The following RALGAPA2 variants were observed in gnomAD, a reference collection of about 807,000 sequenced individuals.
RALGAPA2 encodes the protein Ral GTPase activating protein catalytic subunit alpha 2.
Under a neutral mutation model 230.4 loss-of-function variants are expected in RALGAPA2, and 139 were observed. The ratio of observed to expected loss-of-function variants is 0.60; its 90% CI spans 0.53 to 0.69. RALGAPA2 has a LOEUF of 0.69. Among genes scored for constraint, RALGAPA2 ranks in the 30% least tolerant of loss-of-function variants. The pLI is 0.00. For synonymous variants in RALGAPA2, 847 were observed against 837.8 expected (o/e 1.01, Z -0.19); for missense variants, 2,163 against 2,276.0 (o/e 0.95, Z 1.01).
At chr20:20,421,951 A>G (rs1181570626) in intron 37 of RALGAPA2, among the ~76,000 whole-genome samples, 1 of 152,246 alleles carries the variant, frequency 6.6e-6, no homozygotes, top group Non-Finnish European at 1.5e-5. Flanking sequence ...ATTCAGCCAT[A>G]AAAAGGAATG....
intron 36 of RALGAPA2, among the ~76,000 whole-genome samples, chr20:20,475,157 A>G (rs1378818234): frequency 6.6e-6 from 1 of 152,146 alleles, no homozygotes; most frequent in Non-Finnish European, 1.5e-5. Context: ...ACTTTTCTCA[A>G]AAACTATTTA....
chr20:20,393,332 G>A, intron 39 of RALGAPA2, 79 bp from the exon 40 acceptor site: 1 of 1,096,434 alleles, frequency 9.1e-7, no homozygotes, highest in Non-Finnish European at 1.2e-6. Flanking sequence ...AGGATCTGTG[G>A]CACTCAGAAG....
intron 27 of RALGAPA2, among the ~76,000 whole-genome samples, chr20:20,529,277 T>C (rs2063307884): frequency 6.6e-6 from 1 of 152,214 alleles, no homozygotes; most frequent in African/African-American, 2.4e-5. Context: ...TTTGCTGCTA[T>C]CCAGAGGGGG....
chr20:20,548,724 A>G (rs924133402), intron 23 of RALGAPA2, among the ~76,000 whole-genome samples: 5 of 152,222 alleles, frequency 3.3e-5, no homozygotes, highest in Admixed American at 3.3e-4. Flanking sequence ...TGGTAAACTC[A>G]GGATCCAAGA....
At chr20:20,652,897 C>G (rs945355782) in intron 4 of RALGAPA2, among the ~76,000 whole-genome samples, 5 of 151,978 alleles carry the variant, frequency 3.3e-5, no homozygotes, top group Non-Finnish European at 5.9e-5. Context: ...GCTTAAAGAA[C>G]AAGAATTCTC....
At chr20:20,448,099 C>G (rs1176048920) in intron 37 of RALGAPA2, among the ~76,000 whole-genome samples, 1 of 152,064 alleles carries the variant, frequency 6.6e-6, no homozygotes, top group Non-Finnish European at 1.5e-5. Context: ...TAGTCCCTCC[C>G]CAGTTTGGAT....
intron 1 of RALGAPA2, among the ~76,000 whole-genome samples, chr20:20,698,391 C>CTTTGT (rs1344403721): frequency 6.6e-6 from 1 of 150,704 alleles, no homozygotes; most frequent in East Asian, 2.0e-4. Flanking sequence ...TTTTTGGTTT[C>CTTTGT]TTTGTTTTGT....
At chr20:20,405,682 C>G (rs1009629711) in intron 38 of RALGAPA2, among the ~76,000 whole-genome samples, 1 of 152,200 alleles carries the variant, frequency 6.6e-6, no homozygotes. Context: ...GAAAGCACCT[C>G]GAATCAAGTT....
At chr20:20,476,911 C>A (rs1008999891) in intron 36 of RALGAPA2, among the ~76,000 whole-genome samples, 1 of 152,102 alleles carries the variant, frequency 6.6e-6, no homozygotes, top group Non-Finnish European at 1.5e-5. Context: ...ACCACAACTA[C>A]ATGTAACATC....
At chr20:20,557,744 G>T (rs1464726793) in intron 23 of RALGAPA2, among the ~76,000 whole-genome samples, 1 of 152,136 alleles carries the variant, frequency 6.6e-6, no homozygotes, top group East Asian at 1.9e-4. Context: ...GGGTAACAAA[G>T]GTATTTAACT....
intron 4 of RALGAPA2, among the ~76,000 whole-genome samples, chr20:20,648,929 T>C (rs1350889884): frequency 6.6e-6 from 1 of 152,014 alleles, no homozygotes; most frequent in Non-Finnish European, 1.5e-5. Context: ...AGGTTTCAGA[T>C]GGTCAGGGAG....
At chr20:20,592,541 T>C (rs2065322432) in intron 16 of RALGAPA2, among the ~76,000 whole-genome samples, 1 of 152,214 alleles carries the variant, frequency 6.6e-6, no homozygotes, top group Non-Finnish European at 1.5e-5. Context: ...GATTCCACAC[T>C]CACTGACGTA....
At chr20:20,401,315 G>A (rs188581140) in intron 38 of RALGAPA2, among the ~76,000 whole-genome samples, 66 of 152,178 alleles carry the variant, frequency 4.3e-4, no homozygotes, top group Admixed American at 1.6e-3. Flanking sequence ...AATCCCCTGG[G>A]GCACCCAGGC....
chr20:20,497,320 A>T (rs972562335), intron 35 of RALGAPA2, among the ~76,000 whole-genome samples: 1 of 152,184 alleles, frequency 6.6e-6, no homozygotes, highest in Non-Finnish European at 1.5e-5. Flanking sequence ...AACCTAATAT[A>T]GGTATGTTTT....
intron 3 of RALGAPA2, 120 bp from the exon 4 acceptor site, chr20:20,653,707 C>T (rs558634768): frequency 3.5e-6 from 2 of 573,972 alleles, no homozygotes; most frequent in South Asian, 2.4e-5. Context: ...TGTACAATAA[C>T]ATAAATACTG....
chr20:20,516,779 G>A (rs943180478), intron 31 of RALGAPA2, among the ~76,000 whole-genome samples: 2 of 152,202 alleles, frequency 1.3e-5, no homozygotes, highest in African/African-American at 4.8e-5. Flanking sequence ...AGACCCAGAA[G>A]AGCAATAGCA....
chr20:20,480,273 A>G (rs1349366625), intron 36 of RALGAPA2, among the ~76,000 whole-genome samples: 1 of 152,230 alleles, frequency 6.6e-6, no homozygotes, highest in African/African-American at 2.4e-5. Flanking sequence ...CTTGCCTTAC[A>G]GCAAGATATA....
intron 19 of RALGAPA2, 51 bp downstream of exon 19, chr20:20,584,814 T>C (rs1602942877): frequency 3.8e-6 from 5 of 1,309,898 alleles, no homozygotes; most frequent in Non-Finnish European, 5.4e-6. Context: ...AAAAAGAAAA[T>C]AGAACATATC....
intron 23 of RALGAPA2, among the ~76,000 whole-genome samples, chr20:20,559,591 A>C (rs2064193004): frequency 6.6e-6 from 1 of 152,216 alleles, no homozygotes; most frequent in African/African-American, 2.4e-5. Context: ...TGCTGCTTCA[A>C]ATTCTAGGAA....
Sources: allele counts gnomAD v4.1 joint callset (sites outside exome capture counted in the v4.1 genomes callset), GRCh38; gene constraint gnomAD v4.1.1; transcripts MANE v1.5; gene names NCBI Gene and HGNC (gene_info 2026-07-23, HGNC 2026-07-21).